The following AFAP1L2 variants were observed in gnomAD, a reference collection of about 807,000 sequenced individuals.
AFAP1L2 encodes actin filament-associated protein 1-like 2.
Under a neutral mutation model 99.3 loss-of-function variants are expected in AFAP1L2, and 46 were observed. The ratio of observed to expected loss-of-function variants is 0.46; its 90% CI spans 0.37 to 0.59. The LOEUF (loss-of-function observed/expected upper bound fraction) is 0.59. Among genes scored for constraint, AFAP1L2 ranks in the 20% least tolerant of loss-of-function variants. The probability of loss-of-function intolerance (pLI) is 0.00; values close to 1 mark genes in which losing one functional copy is unlikely to be tolerated. For missense variants in AFAP1L2, 959 were observed against 1,034.9 expected, an observed-to-expected ratio of 0.93 and a Z score of 1.01; for synonymous variants, 397 against 419.1, an observed-to-expected ratio of 0.95 and a Z score of 0.64.
intron 6 of AFAP1L2, among the ~76,000 whole-genome samples, chr10:114,315,290 G>C (rs1335731966): frequency 1.3e-5 from 2 of 152,174 alleles, no homozygotes; most frequent in Non-Finnish European, 2.9e-5. Context: ...ACAAAGAGGA[G>C]GATGGGATGG....
chr10:114,403,606 C>G (rs1565115533), intron 1 of AFAP1L2, among the ~76,000 whole-genome samples: 1 of 152,212 alleles, frequency 6.6e-6, no homozygotes, highest in Non-Finnish European at 1.5e-5. Context: ...TAAGGGGCAA[C>G]TCCCTGTACT....
In AFAP1L2 at chr10:114,301,435, GTT is replaced by G; in HGVS notation, c.1459_1460del (p.Asn487HisfsTer8). On this transcript the variant is annotated frameshift_variant, in exon 13 of 19. Coordinates refer to ENST00000304129, the MANE Select transcript of AFAP1L2 (RefSeq NM_001001936.3). LOFTEE classifies it high-confidence loss of function. ...GGCTAGGCAGGCCATCGATGTAAGTGTTGGGCTCTGAGAACTTTCTCTGCATC... is the reference window on the plus strand; with the variant it reads ...GGCTAGGCAGGCCATCGATGTAAGTGGGGCTCTGAGAACTTTCTCTGCATC... ...LLMQRKFSEPNTYIDGLPSQD... is the reference protein window; with the variant it reads ...LLMQRKFSEPXTYIDGLPSQD... 1 of 1,614,182 alleles carries G rather than the reference GTT, an allele frequency of 6.2e-7. No homozygotes were observed. Among genetic ancestry groups the G allele is most frequent in the African/African-American group, 1.3e-5 (1 of 75,074 alleles).
At chr10:114,337,722 G>A (rs1435652721) in intron 2 of AFAP1L2, among the ~76,000 whole-genome samples, 2 of 152,228 alleles carry the variant, frequency 1.3e-5, no homozygotes, top group African/African-American at 2.4e-5. Flanking sequence ...TGCCAGAGTG[G>A]TTAGCACCAA....
chr10:114,396,206 G>A (rs760333997), intron 1 of AFAP1L2, among the ~76,000 whole-genome samples: 18 of 152,166 alleles, frequency 1.2e-4, no homozygotes, highest in Non-Finnish European at 2.5e-4. Flanking sequence ...AACAGGCTGT[G>A]CTTAATAGAG....
In AFAP1L2 at chr10:114,297,344, C is replaced by T. The variant is rs2040409758; in HGVS notation, c.2183G>A (p.Ser728Asn). The change falls in exon 17 of 19, where the codon AGC becomes AAC. Residue 728 changes from serine (S) to asparagine (N), a missense_variant. By Grantham distance (46) the Ser-to-Asn change is conservative. This residue lies in a region of AFAP1L2 where 576 missense variants were observed against 562.1 expected (regional missense o/e 1.02). Coordinates refer to ENST00000304129, the MANE Select transcript of AFAP1L2 (RefSeq NM_001001936.3). ...GCTGAGCTCCAGGTCCACGCGCCTG[C>T]TCTCCTCGCCCCGGCACTCCTCGTC... ...EIDEECRGEE[S>N]RRVDLELSIM... is the part of the protein sequence containing the mutation. The T allele has an allele frequency of 6.2e-7, 1 of 1,613,738 alleles. No individual in the cohort carries two copies. The highest frequency in any genetic ancestry group is 8.5e-7 in the Non-Finnish European group (1 of 1,180,036).
chr10:114,369,739 C>T (rs1590646588), intron 1 of AFAP1L2, among the ~76,000 whole-genome samples: 1 of 152,072 alleles, frequency 6.6e-6, no homozygotes, highest in East Asian at 1.9e-4. Flanking sequence ...TATGCCTCCA[C>T]ATTTTTTGGC....
chr10:114,403,677 T>C (rs1466383828), intron 1 of AFAP1L2, among the ~76,000 whole-genome samples: 1 of 152,066 alleles, frequency 6.6e-6, no homozygotes, highest in Non-Finnish European at 1.5e-5. Context: ...CGAGTGTGGG[T>C]GCTAAGCTGG....
chr10:114,321,884 C>T (rs547296559), intron 5 of AFAP1L2, among the ~76,000 whole-genome samples: 10 of 152,298 alleles, frequency 6.6e-5, no homozygotes, highest in Middle Eastern at 3.4e-3. Flanking sequence ...GTGTCCAGGG[C>T]GATCTTTTCA....
At chr10:114,289,465 G>C in the AFAP1L2 span, 1 of 1,614,224 alleles carries the variant, frequency 6.2e-7, no homozygotes, top group South Asian at 1.1e-5. Flanking sequence ...CCACCAGGAC[G>C]TGCTCATTGA....
At chr10:114,304,620 G>T in intron 11 of AFAP1L2, 99 bp downstream of exon 11, 2 of 1,164,232 alleles carry the variant, frequency 1.7e-6, no homozygotes, top group South Asian at 3.3e-5. Context: ...CGGGGACATT[G>T]ATTCTCCCTT....
chr10:114,304,768 A>G lies in AFAP1L2; in HGVS notation c.1235T>C (p.Leu412Pro), dbSNP rs1474859285. ...EVVPDPSPDH[L>P]YSFRILHKGE... ...CTTGTGGAGGATGCGGAAGGAGTAG[A>G]GGTGGTCGGGGCTGGGGTCTGGGAC... The change falls in exon 11 of 19, where the codon CTC (leucine) becomes CCC (proline). Residue 412 changes from leucine to proline, a missense_variant. This residue lies in a region of AFAP1L2 where 576 missense variants were observed against 562.1 expected (regional missense o/e 1.02). Transcript: ENST00000304129. 4 of 1,612,628 alleles carry G rather than the reference A, an allele frequency of 2.5e-6. No individual in the cohort carries two copies. The highest frequency in any genetic ancestry group is 3.4e-6 in the Non-Finnish European group (4 of 1,179,982).
chr10:114,291,316 T>A, downstream of AFAP1L2: 1 of 1,462,164 alleles, frequency 6.8e-7, no homozygotes, highest in Admixed American at 2.3e-5. Context: ...ACTGAAATGG[T>A]GCCTACCTTC....
chr10:114,397,065 A>C (rs755283523), intron 1 of AFAP1L2, among the ~76,000 whole-genome samples: 6 of 152,076 alleles, frequency 3.9e-5, no homozygotes, highest in Non-Finnish European at 7.4e-5. Flanking sequence ...ATACCACAGC[A>C]TCACAACTGC....
the AFAP1L2 span, among the ~76,000 whole-genome samples, chr10:114,282,017 C>CT: frequency 1.8e-4 from 21 of 119,700 alleles, no homozygotes; most frequent in South Asian, 8.0e-4. Context: ...CTTATGTTAC[C>CT]TTTTTTTTTT....
chr10:114,327,188 A>T (rs2046503325), intron 4 of AFAP1L2, among the ~76,000 whole-genome samples: 2 of 69,278 alleles, frequency 2.9e-5, no homozygotes, highest in Admixed American at 1.9e-4. Context: ...TTTTTTAGGC[A>T]GAGTCTCACT....
intron 1 of AFAP1L2, among the ~76,000 whole-genome samples, chr10:114,366,839 G>A (rs187325345): frequency 6.5e-4 from 99 of 152,214 alleles, no homozygotes; most frequent in Middle Eastern, 3.4e-3. Context: ...GTGGTGTCGC[G>A]CGCCTTTAGT....
chr10:114,283,628 A>G, the AFAP1L2 span, among the ~76,000 whole-genome samples: 1 of 152,198 alleles, frequency 6.6e-6, no homozygotes, highest in African/African-American at 2.4e-5. Context: ...TGTGACTTCT[A>G]TTCATTGAGC....
intron 4 of AFAP1L2, among the ~76,000 whole-genome samples, chr10:114,326,655 G>T (rs2046333780): frequency 6.6e-6 from 1 of 152,060 alleles, no homozygotes; most frequent in Admixed American, 6.5e-5. Context: ...GACAGTGCAG[G>T]GCAGGAGTGG....
chr10:114,286,287 T>C, the AFAP1L2 span: 1 of 1,609,606 alleles, frequency 6.2e-7, no homozygotes. Context: ...CGTAGAGTGG[T>C]GGTTTTGCTC....
Sources: gnomAD v4.1 joint callset for allele counts (sites outside exome capture counted in the v4.1 genomes callset) on GRCh38, gnomAD v4.1.1 for gene constraint, gnomAD v4.1.1 regional missense constraint, MANE v1.5 for transcripts, NCBI Gene and HGNC (gene_info 2026-07-23, HGNC 2026-07-21) for gene names.